Variants in MYO1B observed in about 807,000 individuals in gnomAD.
The protein encoded by MYO1B is myosin IB, also known as unconventional myosin-Ib.
Under a neutral mutation model 159.7 loss-of-function variants are expected in MYO1B, and 72 were observed. The observed-to-expected ratio is 0.45, with a 90% confidence interval of 0.37 to 0.55. MYO1B has a LOEUF of 0.55. MYO1B is among the 20% of genes least tolerant of loss of function. The pLI is 0.00. For synonymous variants in MYO1B, 468 were observed against 473.8 expected (o/e 0.99, Z 0.16); for missense variants, 1,062 against 1,364.8 (o/e 0.78, Z 3.50).
At chr2:191,361,714 T>C (rs1693684343) in intron 8 of MYO1B, among the ~76,000 whole-genome samples, 1 of 152,010 alleles carries the variant, frequency 6.6e-6, no homozygotes, top group African/African-American at 2.4e-5. Context: ...GAGCTTGTGG[T>C]ATACCCATCT....
chr2:191,416,179 C>T lies in MYO1B; in HGVS notation c.3224C>T (p.Thr1075Ile). The change falls in exon 30 of 31, where the codon ACC (threonine) becomes ATC (isoleucine). Residue 1075 changes from threonine to isoleucine, a missense_variant. Physicochemically the swap from Thr to Ile is moderately conservative, Grantham distance 89. Coordinates refer to ENST00000392318, the MANE Select transcript of MYO1B (RefSeq NM_001130158.3). ...FSSDHLIEMATKLYRTTLSQT... is the reference protein window; with the variant it reads ...FSSDHLIEMAIKLYRTTLSQT... Reference sequence around the variant, plus strand: ...AGTGATCACCTGATTGAAATGGCCACCAAGCTCTATCGCACAACTCTCAGC... The same window carrying T: ...AGTGATCACCTGATTGAAATGGCCATCAAGCTCTATCGCACAACTCTCAGC... The T allele has an allele frequency of 6.2e-7, 1 of 1,614,116 alleles. No individual in the cohort carries two copies. The highest frequency in any genetic ancestry group is 8.5e-7 in the Non-Finnish European group (1 of 1,180,016).
chr2:191,399,139 A>G (rs1013432738), intron 21 of MYO1B, among the ~76,000 whole-genome samples: 4 of 151,818 alleles, frequency 2.6e-5, no homozygotes, highest in Admixed American at 1.3e-4. Flanking sequence ...GGCGGCACGC[A>G]CCTGCAATCG....
intron 13 of MYO1B, among the ~76,000 whole-genome samples, chr2:191,372,200 A>G (rs1694407105): frequency 1.3e-5 from 2 of 152,376 alleles, no homozygotes; most frequent in East Asian, 3.9e-4. Flanking sequence ...GATACATTCA[A>G]TGACATTTCC....
At chr2:191,359,547 C>T (rs886555188) in intron 7 of MYO1B, among the ~76,000 whole-genome samples, 14 of 152,060 alleles carry the variant, frequency 9.2e-5, no homozygotes, top group East Asian at 1.9e-4. Flanking sequence ...ATTTGGAGCA[C>T]GCTAGGACTT....
chr2:191,396,959 T>TGG (rs901031054), intron 21 of MYO1B, among the ~76,000 whole-genome samples: 1 of 152,036 alleles, frequency 6.6e-6, no homozygotes, highest in Non-Finnish European at 1.5e-5. Context: ...GCCGTCACAG[T>TGG]GGACAGCCTG....
Position 191,411,098 on chromosome 2 carries a change from G to A in MYO1B, c.2799G>A (p.Gln933=). 1.9e-6 allele frequency: 3 copies of A among 1,611,654 alleles called. No individual in the cohort carries two copies. The highest frequency in any genetic ancestry group is 2.5e-6 in the Non-Finnish European group (3 of 1,179,148). The part of the protein sequence containing the change: ...CKKYRDQFTD[Q]QKLIYEEKLE... ...AATACAGGGACCAATTCACAGACCAGCAGAAACTTATTTATGAAGAGAAAC... is the reference window on the plus strand; with the variant it reads ...AATACAGGGACCAATTCACAGACCAACAGAAACTTATTTATGAAGAGAAAC... The change falls in exon 27 of 31, where the codon CAG becomes CAA. Residue 933 remains glutamine, a synonymous_variant. Transcript: ENST00000392318.
At chr2:191,401,690 C>G (rs1696626637) in intron 23 of MYO1B, 2 of 152,182 alleles carry the variant, frequency 1.3e-5, no homozygotes, top group Non-Finnish European at 2.9e-5. Flanking sequence ...TGAGAAAAGT[C>G]AACATCTGCC....
chr2:191,418,997 G>A (rs1697759260), intron 30 of MYO1B, among the ~76,000 whole-genome samples: 1 of 152,188 alleles, frequency 6.6e-6, no homozygotes, highest in Non-Finnish European at 1.5e-5. Flanking sequence ...GATGACGGTG[G>A]TCCCCTAAGA....
At chr2:191,273,664 C>A (rs1462546066) in intron 1 of MYO1B, among the ~76,000 whole-genome samples, 3 of 152,170 alleles carry the variant, frequency 2.0e-5, no homozygotes, top group Non-Finnish European at 2.9e-5. Flanking sequence ...TTGACTTAGC[C>A]TAGATCACAT....
chr2:191,339,470 G>T (rs1475448825), intron 4 of MYO1B, among the ~76,000 whole-genome samples: 1 of 152,238 alleles, frequency 6.6e-6, no homozygotes, highest in Admixed American at 6.5e-5. Flanking sequence ...AACTTTAAAT[G>T]TTGGTGGTTG....
intron 3 of MYO1B, among the ~76,000 whole-genome samples, chr2:191,326,105 A>G (rs1691046784): frequency 6.6e-6 from 1 of 152,238 alleles, no homozygotes; most frequent in Non-Finnish European, 1.5e-5. Flanking sequence ...TCGTCATTAT[A>G]TTATAATTAA....
Position 191,393,092 on chromosome 2 carries a change from T to A in MYO1B, c.2096T>A (p.Leu699Gln), listed in dbSNP as rs1279756923. 2 of 1,613,852 alleles carry A rather than the reference T, an allele frequency of 1.2e-6. No individual in the cohort carries two copies. The highest frequency in any genetic ancestry group is 3.3e-5 in the Admixed American group (2 of 59,990). Residue 699 changes from leucine (L) to glutamine (Q), a missense_variant, in exon 20 of 31, where the codon CTG becomes CAG. This residue lies in a region of MYO1B where 609 missense variants were observed against 744.4 expected (regional missense o/e 0.82). Coordinates refer to ENST00000392318, the MANE Select transcript of MYO1B (RefSeq NM_001130158.3). The part of the protein sequence containing the change: ...NPRTLFKLED[L>Q]RKQRLEDLAT... ...TATTAGTTATTCAAATTAGAAGACC[T>A]GAGGAAGCAACGCCTGGAGGACTTG...
intron 3 of MYO1B, among the ~76,000 whole-genome samples, chr2:191,318,382 G>A (rs1690488009): frequency 2.0e-5 from 3 of 152,184 alleles, no homozygotes; most frequent in African/African-American, 7.2e-5. Flanking sequence ...TGGGTAACCA[G>A]AAATCAGTCT....
intron 24 of MYO1B, among the ~76,000 whole-genome samples, chr2:191,404,562 T>C (rs1193744453): frequency 1.3e-5 from 2 of 152,198 alleles, no homozygotes; most frequent in Admixed American, 1.3e-4. Flanking sequence ...AAAAGACAGA[T>C]GATAATCAGT....
At chr2:191,402,472 A>G (rs1335750740) in intron 23 of MYO1B, 160 bp from the exon 24 acceptor site, 1 of 653,414 alleles carries the variant, frequency 1.5e-6, no homozygotes, top group African/African-American at 1.8e-5. Flanking sequence ...CACCAGCCTG[A>G]CACCAATTCT....
intron 7 of MYO1B, among the ~76,000 whole-genome samples, chr2:191,354,686 A>G (rs1013881172): frequency 6.6e-6 from 1 of 152,164 alleles, no homozygotes; most frequent in African/African-American, 2.4e-5. Flanking sequence ...CAGTATTACA[A>G]CTAGGTTCTG....
intron 13 of MYO1B, among the ~76,000 whole-genome samples, chr2:191,378,757 A>G (rs6434468): frequency 0.97 from 147,026 of 152,108 alleles, 71,269 homozygotes; most frequent in East Asian, 1. Flanking sequence ...GAGAATGAGC[A>G]ATGTTTTTCA....
chr2:191,390,174 T>C, intron 17 of MYO1B, 118 bp from the exon 18 acceptor site: 1 of 918,088 alleles, frequency 1.1e-6, no homozygotes, highest in Non-Finnish European at 1.6e-6. Context: ...TGACTAGGTT[T>C]CTTAAGAATA....
In MYO1B at chr2:191,390,334, C is replaced by G; in HGVS notation, c.1824C>G (p.Asn608Lys). 6.2e-7 allele frequency: 1 copy of G among 1,614,120 alleles called. No homozygotes were observed. Among genetic ancestry groups the G allele is most frequent in the East Asian group, 2.2e-5 (1 of 44,894 alleles). ...PNDKKAAHIFNEALVCHQIRY... is the reference protein window; with the variant it reads ...PNDKKAAHIFKEALVCHQIRY... The stretch of plus-strand genomic sequence containing the variant: ...ATAAAAAAGCAGCACACATCTTCAA[C>G]GAGGCTCTAGTGTGTCATCAGATCA... Residue 608 changes from asparagine (N) to lysine (K), a missense_variant, in exon 18 of 31, where the codon AAC (asparagine) becomes AAG (lysine). Physicochemically the swap from Asn to Lys is moderately conservative, Grantham distance 94 (BLOSUM62 0). This residue lies in a region of MYO1B where 609 missense variants were observed against 744.4 expected (regional missense o/e 0.82). Coordinates refer to ENST00000392318, the MANE Select transcript of MYO1B (RefSeq NM_001130158.3).
Sources: gnomAD v4.1 joint callset for allele counts (sites outside exome capture counted in the v4.1 genomes callset) on GRCh38, gnomAD v4.1.1 for gene constraint, gnomAD v4.1.1 regional missense constraint, MANE v1.5 for transcripts, NCBI Gene and HGNC (gene_info 2026-07-23, HGNC 2026-07-21) for gene names.